SLC43A2: variants seen among roughly 807,000 people sequenced by gnomAD.
SLC43A2 encodes solute carrier family 43 member 2, also known as large neutral amino acids transporter small subunit 4.
Under a neutral mutation model 63.2 loss-of-function variants are expected in SLC43A2, and 38 were observed. The observed-to-expected ratio is 0.60, with a 90% CI of 0.46 to 0.79. The LOEUF (loss-of-function observed/expected upper bound fraction) is 0.79, where lower values mean the gene tolerates loss of function less well. SLC43A2 is among the 30% of genes least tolerant of loss of function. The probability of loss-of-function intolerance (pLI) is 0.00; values close to 1 mark genes in which losing one functional copy is unlikely to be tolerated. For synonymous variants in SLC43A2, 322 were observed against 331.0 expected (o/e 0.97, Z 0.30); for missense variants, 644 against 756.2 (o/e 0.85, Z 1.74).
At position 1,575,699 on chromosome 17, in the gene SLC43A2, G is replaced by A. The variant is rs144844603; in HGVS notation, c.1615C>T (p.Arg539Trp). The stretch of plus-strand genomic sequence containing the variant: ...TGCAGCTGCCGCTCCAGCTGGCGCC[G>A]GTAGCAGATCAGGTAGAGCGGGAGG... ...FCLPLYLICYRRQLERQLQQR... is the reference protein window; with the variant it reads ...FCLPLYLICYWRQLERQLQQR... Residue 539 changes from arginine (R) to tryptophan (W), a missense_variant, in exon 14 of 14, where the codon CGG (arginine) becomes TGG (tryptophan). Arg to Trp is a moderately radical substitution (Grantham distance 101). Around this residue, in one of 3 missense-constraint regions of SLC43A2, gnomAD observed 105 missense variants for 101.7 expected, o/e 1.03. Coordinates refer to ENST00000301335, the MANE Select transcript of SLC43A2 (RefSeq NM_152346.3). 126 of 1,613,936 alleles carry A rather than the reference G, an allele frequency of 7.8e-5. 1 individual carries two copies. Among genetic ancestry groups the A allele is most frequent in the Non-Finnish European group, 1.0e-4 (119 of 1,180,024 alleles).
intron 5 of SLC43A2, among the ~76,000 whole-genome samples, chr17:1,601,213 C>A (rs567026831): frequency 1.3e-5 from 2 of 152,046 alleles, no homozygotes; most frequent in African/African-American, 2.4e-5. Context: ...AGACTGCTAC[C>A]AAAGGGGTCT....
Position 1,583,346 on chromosome 17 carries a change from C to T in SLC43A2, c.1218-10G>A. ...CTTTTTCTTCTCGCCTCTGTGGAGACACAGAACGTGCAGGGGTGGGAGGGC... is the reference window on the plus strand; with the variant it reads ...CTTTTTCTTCTCGCCTCTGTGGAGATACAGAACGTGCAGGGGTGGGAGGGC... On this transcript the variant is annotated splice_polypyrimidine_tract_variant and intron_variant, in intron 10 of 13. Transcript: ENST00000301335. The surrounding 1 kb of genome is among the most constrained non-coding windows in gnomAD (Gnocchi z 5.5). 1 of 1,613,970 alleles carries T rather than the reference C, an allele frequency of 6.2e-7. No homozygotes were observed. Among genetic ancestry groups the T allele is most frequent in the Non-Finnish European group, 8.5e-7 (1 of 1,179,906 alleles).
intron 10 of SLC43A2, 45 bp downstream of exon 10, chr17:1,585,855 GGGGTCTTTCTGCA>G: frequency 6.2e-7 from 1 of 1,611,234 alleles, no homozygotes; most frequent in Non-Finnish European, 8.5e-7. Flanking sequence ...ATGCAGCTCT[GGGGTCTTTCTGCA>G]GGGGCTGCGG....
chr17:1,613,682 C>T (rs542838422), intron 4 of SLC43A2, among the ~76,000 whole-genome samples: 16 of 152,286 alleles, frequency 1.1e-4, no homozygotes, highest in Admixed American at 2.6e-4. Context: ...GGTGATCTGC[C>T]GATCTCAGCC....
In SLC43A2 at chr17:1,575,541, G is replaced by A. The variant is rs1297176947; in HGVS notation, c.*63C>T. The A allele has an allele frequency of 3.1e-6, 5 of 1,604,510 alleles. No homozygotes were observed. Among genetic ancestry groups the A allele is most frequent in the Non-Finnish European group, 3.4e-6 (4 of 1,171,690 alleles). On this transcript the variant is annotated 3_prime_UTR_variant, in exon 14 of 14. Transcript: ENST00000301335. ...TGGGGGTGCGTGGGGTACTCTGGAG[G>A]GGCAGGACAGGGGTCAGTCACTGAA...
intron 7 of SLC43A2, 47 bp from the exon 8 acceptor site, chr17:1,591,518 T>TG: frequency 6.2e-7 from 1 of 1,608,648 alleles, no homozygotes; most frequent in Non-Finnish European, 8.5e-7. Context: ...GGACCCCGGC[T>TG]GGGGGGCGGG....
At chr17:1,582,129 G>A (rs1467966756) in intron 11 of SLC43A2, among the ~76,000 whole-genome samples, 1 of 151,542 alleles carries the variant, frequency 6.6e-6, no homozygotes, top group Non-Finnish European at 1.5e-5. Context: ...ATCCAGGCTG[G>A]AGTGCAGTGG....
At chr17:1,624,487 G>A (rs1462803986) in intron 2 of SLC43A2, among the ~76,000 whole-genome samples, 2 of 152,100 alleles carry the variant, frequency 1.3e-5, no homozygotes, top group Non-Finnish European at 2.9e-5. Flanking sequence ...TGGATCACCT[G>A]AGGTCAGGAG....
At position 1,606,302 on chromosome 17, in the gene SLC43A2, G is replaced by A. The variant is rs1406862953; in HGVS notation, c.501+6893C>T. Among the ~76,000 whole-genome samples the A allele has an allele frequency of 6.6e-6, 1 of 152,120 alleles. No individual in the cohort carries two copies. The highest frequency in any genetic ancestry group is 1.5e-5 in the Non-Finnish European group (1 of 68,004). On this transcript the variant is annotated intron_variant, in intron 5 of 13. Transcript: ENST00000301335. This position sits in a 1 kb window ranked among gnomAD's most constrained non-coding sequence, Gnocchi z 4.7. Reference sequence around the variant, plus strand: ...ATCTGCCATCCTGCCCTCCTCTCCAGGATCTGAAGAGGGATGTTTATCCTC... The same window carrying A: ...ATCTGCCATCCTGCCCTCCTCTCCAAGATCTGAAGAGGGATGTTTATCCTC...
At chr17:1,600,137 T>TATATATATATATATATATATAC (rs1905803579) in intron 5 of SLC43A2, among the ~76,000 whole-genome samples, 1 of 44,664 alleles carries the variant, frequency 2.2e-5, no homozygotes, top group Non-Finnish European at 5.0e-5. Flanking sequence ...ATTAATTGAA[T>TATATATATATATATATATATAC]ATATATATAT....
At chr17:1,598,313 G>A (rs917573168) in intron 5 of SLC43A2, among the ~76,000 whole-genome samples, 5 of 151,936 alleles carry the variant, frequency 3.3e-5, no homozygotes, top group African/African-American at 1.2e-4. Flanking sequence ...CCCAGCTACT[G>A]GGGAAGAGGC....
intron 5 of SLC43A2, among the ~76,000 whole-genome samples, chr17:1,598,816 T>C (rs1373448566): frequency 2.0e-5 from 3 of 152,188 alleles, no homozygotes; most frequent in South Asian, 2.1e-4. Flanking sequence ...CATCTGTCCA[T>C]GGATGAGGCC....
rs1216776386 is a variant in SLC43A2, at chr17:1,570,058, T to TC, written c.*5545_*5546insG. ...ACCCACCACCACGCCCAGCTAATTT[T>TC]TTTTTTTCGTATTTTTAGTAGAGAT... is the stretch of plus-strand genomic sequence containing the variant. On this transcript the variant is annotated 3_prime_UTR_variant, in exon 14 of 14. Coordinates refer to ENST00000301335, the MANE Select transcript of SLC43A2 (RefSeq NM_152346.3). The TC allele has an allele frequency of 1.3e-5, 2 of 151,182 alleles. No homozygotes were observed. Among genetic ancestry groups the TC allele is most frequent in the African/African-American group, 4.9e-5 (2 of 41,018 alleles). 9.4% of individuals were successfully genotyped at this position (151,182 alleles called of 1,614,324 possible).
chr17:1,570,487 G>GTTTTTTTTTTT lies in SLC43A2; in HGVS notation c.*5106_*5116dup, dbSNP rs1167305329. The GTTTTTTTTTTT allele has an allele frequency of 7.4e-6, 1 of 134,300 alleles. No homozygotes were observed. Among genetic ancestry groups the GTTTTTTTTTTT allele is most frequent in the African/African-American group, 2.7e-5 (1 of 36,436 alleles). 8.3% of individuals were successfully genotyped at this position (134,300 alleles called of 1,614,324 possible). A position where few individuals can be genotyped will look rare whatever the true frequency, so the allele number is the denominator to read the frequency against. ...GGGCACTGAAAACGATGCTACCATT[G>GTTTTTTTTTTT]TTTTTTTTTTTTTTTTTGAGACGGA... is the stretch of plus-strand genomic sequence containing the variant. On this transcript the variant is annotated 3_prime_UTR_variant, in exon 14 of 14. Coordinates refer to ENST00000301335, the MANE Select transcript of SLC43A2 (RefSeq NM_152346.3).
chr17:1,615,160 T>G, intron 3 of SLC43A2, 126 bp from the exon 4 acceptor site: 1 of 1,111,202 alleles, frequency 9.0e-7, no homozygotes, highest in Non-Finnish European at 1.3e-6. Context: ...CGGGCTGGAG[T>G]GCAGTGGCGC....
At chr17:1,615,113 T>C in intron 3 of SLC43A2, 79 bp from the exon 4 acceptor site, 1 of 1,566,654 alleles carries the variant, frequency 6.4e-7, no homozygotes. Context: ...GTTTTTGGTT[T>C]TTGGTTTTTC....
At position 1,591,468 on chromosome 17, in the gene SLC43A2, C is replaced by T; in HGVS notation, c.732G>A (p.Val244=). 1 of 1,613,030 alleles carries T rather than the reference C, an allele frequency of 6.2e-7. No individual in the cohort carries two copies. The highest frequency in any genetic ancestry group is 8.5e-7 in the Non-Finnish European group (1 of 1,179,882). Residue 244 remains valine (V), a synonymous_variant, in exon 8 of 14, where the codon GTG becomes GTA. Coordinates refer to ENST00000301335, the MANE Select transcript of SLC43A2 (RefSeq NM_152346.3). ...FPGPEDMDYS[V]KIKFSWLGFD... ...AGCCCAGCCAGCTGAACTTGATCTT[C>T]ACCCTGGGGCCCCGGGAGAGTGTCT... is the stretch of plus-strand genomic sequence containing the variant.
In SLC43A2 at chr17:1,594,834, C is replaced by G. The variant is rs544364626; in HGVS notation, c.502-1555G>C. On this transcript the variant is annotated intron_variant, in intron 5 of 13. Coordinates refer to ENST00000301335, the MANE Select transcript of SLC43A2 (RefSeq NM_152346.3). ...GGATCTCCTGACCTCGTGATCCGCC[C>G]GCCTTGGCCTCCCAAAGTGCTGGGA... Among the ~76,000 whole-genome samples the G allele has an allele frequency of 3.3e-5, 5 of 151,794 alleles. No individual in the cohort carries two copies. In the East Asian group the frequency reaches 5.9e-4, roughly 18 times the overall value.
chr17:1,609,836 A>T (rs1272324867), intron 5 of SLC43A2, among the ~76,000 whole-genome samples: 1 of 152,168 alleles, frequency 6.6e-6, no homozygotes, highest in Admixed American at 6.5e-5. Flanking sequence ...AAGAAAAAAA[A>T]AAAGAATAAC....
Sources: gnomAD v4.1 joint callset for allele counts (sites outside exome capture counted in the v4.1 genomes callset) on GRCh38, gnomAD v4.1.1 for gene constraint, gnomAD v4.1.1 regional missense constraint, Gnocchi (gnomAD v3.1) non-coding constraint, MANE v1.5 for transcripts, NCBI Gene and HGNC (gene_info 2026-07-23, HGNC 2026-07-21) for gene names.